The following PATJ variants were observed in gnomAD, a reference collection of about 807,000 sequenced individuals.
PATJ encodes the protein PATJ crumbs cell polarity complex component, also known as inaD-like protein.
A neutral mutation model predicts 224.9 loss-of-function variants in PATJ; 190 were observed. The ratio of observed to expected loss-of-function variants is 0.84; its 90% CI spans 0.75 to 0.95. PATJ has a LOEUF of 0.95. Ranked by LOEUF, PATJ falls within the 40% of genes least tolerant of loss-of-function variation. The pLI is 0.00. For missense variants in PATJ, 2,121 were observed against 2,270.3 expected, an observed-to-expected ratio of 0.93 and a Z score of 1.34; for synonymous variants, 769 against 820.3, an observed-to-expected ratio of 0.94 and a Z score of 1.07.
rs3790574 is a variant in PATJ, at chr1:61,825,869, G to A, written c.1819-1553G>A. On this transcript the variant is annotated intron_variant, in intron 15 of 43. Coordinates refer to ENST00000642238, the MANE Select transcript of PATJ (RefSeq NM_001350145.3). ...GAATTCCTGCTCTGATTCTATCTCC[G>A]TGCCTTTTTTTAGTGTAAGTTACTA... Among the ~76,000 whole-genome samples, 16 of 152,198 alleles carry A rather than the reference G, an allele frequency of 1.1e-4. No individual in the cohort carries two copies. In the East Asian group the frequency reaches 2.1e-3, roughly 20 times the overall value.
intron 20 of PATJ, among the ~76,000 whole-genome samples, chr1:61,869,853 G>A (rs958108055): frequency 2.8e-4 from 43 of 152,224 alleles, no homozygotes; most frequent in South Asian, 4.1e-4. Context: ...TCAGGTGAGC[G>A]GGTGCAGGAG....
At chr1:62,156,367 TAAG>T (rs1378782328) in intron 43 of PATJ, among the ~76,000 whole-genome samples, 2 of 150,362 alleles carry the variant, frequency 1.3e-5, no homozygotes, top group Non-Finnish European at 3.0e-5. Context: ...CTATCTCTAC[TAAG>T]AATACAAAAA....
In PATJ at chr1:61,907,358, C is replaced by T. The variant is rs369277614; in HGVS notation, c.3382-1014C>T. ...TAGAGGCAGTTAAAGGGAACTTCCCCTGCTTCCAGTGCTCACCAAATCTTT... is the reference window on the plus strand; with the variant it reads ...TAGAGGCAGTTAAAGGGAACTTCCCTTGCTTCCAGTGCTCACCAAATCTTT... On this transcript the variant is annotated intron_variant, in intron 24 of 43. Transcript: ENST00000642238. Among the ~76,000 whole-genome samples the T allele has an allele frequency of 2.2e-4, 33 of 152,282 alleles. No homozygotes were observed. The East Asian group carries it at 5.8e-3, about 27-fold the overall frequency.
intron 32 of PATJ, among the ~76,000 whole-genome samples, chr1:62,080,645 G>T (rs528129523): frequency 1.4e-4 from 22 of 152,174 alleles, no homozygotes; most frequent in Non-Finnish European, 2.1e-4. Context: ...CTTTGCTTTT[G>T]TGCAGTATAC....
At chr1:62,058,741 A>G (rs1444402702) in intron 31 of PATJ, among the ~76,000 whole-genome samples, 1 of 152,208 alleles carries the variant, frequency 6.6e-6, no homozygotes, top group African/African-American at 2.4e-5. Flanking sequence ...CTCATTATTC[A>G]GTACACATTT....
chr1:61,788,096 G>GAAAA (rs35694329), intron 8 of PATJ, 124 bp downstream of exon 8: 3 of 471,948 alleles, frequency 6.4e-6, no homozygotes, highest in African/African-American at 2.0e-5. Context: ...AGTGAAACAG[G>GAAAA]AAAAAAAAAA....
intron 27 of PATJ, among the ~76,000 whole-genome samples, chr1:61,943,192 CA>C (rs1678079891): frequency 6.6e-6 from 1 of 152,208 alleles, no homozygotes; most frequent in African/African-American, 2.4e-5. Context: ...CCAGCGTGAA[CA>C]ACGCAGAAGT....
At chr1:61,821,068 T>G (rs1570707423) in intron 14 of PATJ, among the ~76,000 whole-genome samples, 1 of 148,842 alleles carries the variant, frequency 6.7e-6, no homozygotes, top group Non-Finnish European at 1.5e-5. Flanking sequence ...TGAGGCTGAG[T>G]CTCGCTCTGT....
At chr1:62,033,576 A>G (rs1269338775) in intron 29 of PATJ, among the ~76,000 whole-genome samples, 1 of 152,098 alleles carries the variant, frequency 6.6e-6, no homozygotes, top group Admixed American at 6.5e-5. Context: ...TGCCCCCTTT[A>G]TCCAATCTGC....
At chr1:61,947,637 A>C (rs924373241) in intron 27 of PATJ, among the ~76,000 whole-genome samples, 2 of 152,152 alleles carry the variant, frequency 1.3e-5, no homozygotes, top group Non-Finnish European at 2.9e-5. Context: ...TGGCCATACT[A>C]CCCAAGGTAA....
Position 62,123,024 on chromosome 1 carries a change from C to T in PATJ, c.5009C>T (p.Thr1670Ile), listed in dbSNP as rs1665267998. ...TAATTGTGTTGCTTCTTTATAGGCA[C>T]AGATATGGAACCAAGGACTGTTGAG... ...VSDPSQKNSG[T>I]DMEPRTVEIN... is the part of the protein sequence containing the mutation. The change falls in exon 39 of 44, where the codon ACA (threonine) becomes ATA (isoleucine). Residue 1670 changes from threonine (T) to isoleucine (I), a missense_variant. Thr to Ile is a moderately conservative substitution (Grantham distance 89, BLOSUM62 -1). Transcript: ENST00000642238. 2.5e-6 allele frequency: 4 copies of T among 1,584,128 alleles called. No homozygotes were observed. Among genetic ancestry groups the T allele is most frequent in the Non-Finnish European group, 2.6e-6 (3 of 1,159,756 alleles).
rs1570413456 is a variant in PATJ at position 62,065,293 on chromosome 1, G to C, written c.4126-14157G>C. On this transcript the variant is annotated intron_variant, in intron 31 of 43. Coordinates refer to ENST00000642238, the MANE Select transcript of PATJ (RefSeq NM_001350145.3). ...TCATGAACTCAAAGACAGCAGAAAT[G>C]TAGGCACACAATTTTGACACAAATT... Among the ~76,000 whole-genome samples the C allele has an allele frequency of 2.6e-5, 4 of 152,218 alleles. 1 individual carries two copies. The South Asian group carries it at 8.3e-4, about 32-fold the overall frequency.
At position 62,161,659 on chromosome 1, in the gene PATJ, A is replaced by C. The variant is rs1218322097; in HGVS notation, c.*605A>C. The C allele has an allele frequency of 2.6e-5, 4 of 151,960 alleles. No homozygotes were observed. Among genetic ancestry groups the C allele is most frequent in the Admixed American group, 2.0e-4 (3 of 15,254 alleles). The allele number at this position is 151,960 out of a possible 1,614,324, so 9.4% of individuals were successfully genotyped here. On this transcript the variant is annotated 3_prime_UTR_variant, in exon 44 of 44. Transcript: ENST00000642238. ...CAGCCCAGTATTCTGATTTTAACCA[A>C]CTGGTTCTGATTATATTTACCAAAA... is the stretch of plus-strand genomic sequence containing the variant.
intron 28 of PATJ, among the ~76,000 whole-genome samples, chr1:62,007,375 C>T (rs1165585883): frequency 1.3e-5 from 2 of 152,142 alleles, no homozygotes; most frequent in Non-Finnish European, 2.9e-5. Flanking sequence ...GATAAGAAAA[C>T]CAGAATTGTA....
intron 30 of PATJ, among the ~76,000 whole-genome samples, chr1:62,047,666 C>G (rs572398584): frequency 1.3e-4 from 20 of 152,304 alleles, no homozygotes; most frequent in African/African-American, 4.3e-4. Flanking sequence ...TACAAGTTTT[C>G]CATAGATTAA....
At position 62,037,983 on chromosome 1, in the gene PATJ, G is replaced by T; in HGVS notation, c.3966G>T (p.Glu1322Asp). The T allele has an allele frequency of 6.2e-7, 1 of 1,603,742 alleles. No homozygotes were observed. The highest frequency in any genetic ancestry group is 8.5e-7 in the Non-Finnish European group (1 of 1,173,936). Residue 1322 changes from glutamate (E) to aspartate (D), a missense_variant, in exon 30 of 44, where the codon GAG (glutamate) becomes GAT (aspartate). Physicochemically the swap from Glu to Asp is conservative, Grantham distance 45. Coordinates refer to ENST00000642238, the MANE Select transcript of PATJ (RefSeq NM_001350145.3). ...SKVKLVFIRN[E>D]DAVNQMAVTP... is the part of the protein sequence containing the mutation. ...CTATTTTAACACTTCACAGAAACGA[G>T]GATGCAGTCAATCAGATGGCCGTTA...
chr1:61,794,524 CT>C (rs1557656469), intron 9 of PATJ, among the ~76,000 whole-genome samples: 2 of 152,028 alleles, frequency 1.3e-5, no homozygotes, highest in Non-Finnish European at 2.9e-5. Flanking sequence ...TCCAATTTCC[CT>C]TCCTGTCCCT....
At position 61,801,515 on chromosome 1, in the gene PATJ, A is replaced by T. The variant is rs916875220; in HGVS notation, c.1403-108A>T. 1.1e-5 allele frequency: 6 copies of T among 560,890 alleles called. No individual in the cohort carries two copies. The African/African-American group carries it at 1.1e-4, about 11-fold the overall frequency. 34.7% of individuals were successfully genotyped at this position (560,890 alleles called of 1,614,324 possible). A position where few individuals can be genotyped will look rare whatever the true frequency, so the allele number is the denominator to read the frequency against. On this transcript the variant is annotated intron_variant, in intron 11 of 43. Coordinates refer to ENST00000642238, the MANE Select transcript of PATJ (RefSeq NM_001350145.3). ...ATTTAATAAGGTTGTGAAATGGGAGAAATGGGAGAACAGCAGTAAAATCTG... is the reference window on the plus strand; with the variant it reads ...ATTTAATAAGGTTGTGAAATGGGAGTAATGGGAGAACAGCAGTAAAATCTG...
At chr1:61,920,115 T>C (rs1249955802) in intron 26 of PATJ, among the ~76,000 whole-genome samples, 1 of 152,206 alleles carries the variant, frequency 6.6e-6, no homozygotes, top group African/African-American at 2.4e-5. Flanking sequence ...ATTTCACATG[T>C]TTTCAAGTTA....
Sources: gnomAD v4.1 joint callset for allele counts (sites outside exome capture counted in the v4.1 genomes callset) on GRCh38, gnomAD v4.1.1 for gene constraint, MANE v1.5 for transcripts, NCBI Gene and HGNC (gene_info 2026-07-23, HGNC 2026-07-21) for gene names.